Variants in SYT3 observed in about 807,000 individuals in gnomAD.
SYT3 encodes the protein synaptotagmin 3, also known as synaptotagmin-3.
SYT3 carries 25 observed loss-of-function variants against 50.6 expected under a neutral mutation model. The observed-to-expected ratio is 0.49, with a 90% CI of 0.36 to 0.69. SYT3 has a LOEUF of 0.69. SYT3 is among the 30% of genes least tolerant of loss of function. The pLI is 0.00. For synonymous variants in SYT3, 323 were observed against 353.9 expected (o/e 0.91, Z 0.98); for missense variants, 589 against 793.6 (o/e 0.74, Z 3.10).
upstream of SYT3, among the ~76,000 whole-genome samples, chr19:50,644,878 A>ATTGGATAGATAGATGAAGAG (rs1422740956): frequency 6.6e-6 from 1 of 151,806 alleles, no homozygotes; most frequent in Non-Finnish European, 1.5e-5. Context: ...TGATTGGATG[A>ATTGGATAGATAGATGAAGAG]TTGGATAGAT....
chr19:50,634,038 A>C (rs997804940), intron 3 of SYT3, among the ~76,000 whole-genome samples: 1 of 152,262 alleles, frequency 6.6e-6, no homozygotes, highest in African/African-American at 2.4e-5. Context: ...AACACCATCA[A>C]CAAGATAGCT....
rs1294707738 is a variant in SYT3 at position 50,625,773 on chromosome 19, C to A, written c.1402+124G>T. The A allele has an allele frequency of 3.2e-6, 2 of 624,072 alleles. No homozygotes were observed. Among genetic ancestry groups the A allele is most frequent in the African/African-American group, 2.2e-5 (1 of 46,484 alleles). The allele number at this position is 624,072 out of a possible 1,614,324, so 38.7% of individuals were successfully genotyped here. On this transcript the variant is annotated intron_variant, in intron 7 of 10. Coordinates refer to ENST00000600079, the MANE Select transcript of SYT3 (RefSeq NM_001160329.2). The surrounding 1 kb of genome is among the most constrained non-coding windows in gnomAD (Gnocchi z 7.5). ...GGCCCCTGGCCCCTCCTCCCTCAGA[C>A]CCAGGAGTCCAGATCCCCAGCTCCT...
In SYT3 at chr19:50,632,965, T is replaced by G; in HGVS notation, c.149-154A>C. Among the ~76,000 whole-genome samples the G allele has an allele frequency of 6.6e-6, 1 of 152,158 alleles. No homozygotes were observed. Among genetic ancestry groups the G allele is most frequent in the East Asian group, 1.9e-4 (1 of 5,198 alleles). ...TTTACATGTATTACTTAATTTATGT[T>G]CTACAACTCTACAAGGTTAAGTATT... On this transcript the variant is annotated intron_variant, in intron 3 of 10. Transcript: ENST00000600079. This position sits in a 1 kb window ranked among gnomAD's most constrained non-coding sequence, Gnocchi z 4.7.
the SYT3 span, among the ~76,000 whole-genome samples, chr19:50,649,100 A>C: frequency 7.4e-6 from 1 of 135,874 alleles, no homozygotes; most frequent in African/African-American, 2.8e-5. Context: ...AGTGGTGGAG[A>C]CGTGGGGACA....
chr19:50,625,621 A>G lies in SYT3; in HGVS notation c.1403-57T>C. The G allele has an allele frequency of 6.6e-7, 1 of 1,503,814 alleles. No individual in the cohort carries two copies. 93.2% of individuals were successfully genotyped at this position (1,503,814 alleles called of 1,614,324 possible). ...CTCACTCCCTCAGACCTAGGGGTCC[A>G]GGACCCCAGGCCCCGAGCCCCTCCT... On this transcript the variant is annotated intron_variant, in intron 7 of 10. Coordinates refer to ENST00000600079, the MANE Select transcript of SYT3 (RefSeq NM_001160329.2). This position sits in a 1 kb window ranked among gnomAD's most constrained non-coding sequence, Gnocchi z 7.5.
Position 50,622,287 on chromosome 19 carries a change from T to C in SYT3, c.*198A>G, listed in dbSNP as rs1983879623. On this transcript the variant is annotated 3_prime_UTR_variant, in exon 11 of 11. Transcript: ENST00000600079. Reference sequence around the variant, plus strand: ...AAAGACAGACACAGTGGAGGCTGAATGACCCCCACCCTGAAAGAAGGAGCT... The same window carrying C: ...AAAGACAGACACAGTGGAGGCTGAACGACCCCCACCCTGAAAGAAGGAGCT... 5.6e-6 allele frequency: 1 copy of C among 179,452 alleles called. No individual in the cohort carries two copies. The highest frequency in any genetic ancestry group is 1.2e-5 in the Non-Finnish European group (1 of 85,712). 11.1% of individuals were successfully genotyped at this position (179,452 alleles called of 1,614,324 possible). A position where few individuals can be genotyped will look rare whatever the true frequency, so the allele number is the denominator to read the frequency against.
In SYT3 at chr19:50,629,323, G is replaced by A; in HGVS notation, c.1252C>T (p.Leu418Phe). 6.2e-7 allele frequency: 1 copy of A among 1,611,922 alleles called. No individual in the cohort carries two copies. Among genetic ancestry groups the A allele is most frequent in the Non-Finnish European group, 8.5e-7 (1 of 1,178,790 alleles). The part of the protein sequence containing the change: ...ELAEQPPDRP[L>F]WRDIVEGGSE... ...CCGCCCTCCACGATGTCCCTCCAGA[G>A]CGGGCGGTCAGGGGGCTGCTCGGCC... The change falls in exon 6 of 11, where the codon CTC (leucine) becomes TTC (phenylalanine). Residue 418 changes from leucine (L) to phenylalanine (F), a missense_variant. Leu to Phe is a conservative substitution (Grantham distance 22). Around this residue, in one of 2 missense-constraint regions of SYT3, gnomAD observed 273 missense variants for 439.3 expected, o/e 0.62. Coordinates refer to ENST00000600079, the MANE Select transcript of SYT3 (RefSeq NM_001160329.2).
At chr19:50,633,725 C>A (rs931033694) in intron 3 of SYT3, among the ~76,000 whole-genome samples, 1 of 152,152 alleles carries the variant, frequency 6.6e-6, no homozygotes, top group Admixed American at 6.5e-5. Context: ...TGATTACATA[C>A]CAAATAGCTC....
At chr19:50,649,635 C>G in the SYT3 span, 1 of 1,089,022 alleles carries the variant, frequency 9.2e-7, no homozygotes, top group South Asian at 1.4e-5. Flanking sequence ...CCATCCCTAG[C>G]ATTCCTGGAT....
chr19:50,635,489 G>A (rs1213443312), intron 3 of SYT3, among the ~76,000 whole-genome samples: 1 of 152,212 alleles, frequency 6.6e-6, no homozygotes, highest in Non-Finnish European at 1.5e-5. Context: ...TTGCGCAGTA[G>A]AAGATTCACC....
At chr19:50,652,616 AG>A in the SYT3 span, among the ~76,000 whole-genome samples, 5 of 152,162 alleles carry the variant, frequency 3.3e-5, no homozygotes. Context: ...GCAGGTGAAA[AG>A]GACGATTGTG....
At chr19:50,644,559 G>A (rs1463346448), upstream of SYT3, among the ~76,000 whole-genome samples, 1 of 151,820 alleles carries the variant, frequency 6.6e-6, no homozygotes. Context: ...TGAGTGGATA[G>A]TTGGATGGGA....
the SYT3 span, among the ~76,000 whole-genome samples, chr19:50,647,149 T>C: frequency 6.6e-6 from 1 of 152,034 alleles, no homozygotes; most frequent in African/African-American, 2.4e-5. Context: ...ATTATTTATA[T>C]AAAATAATTA....
chr19:50,644,347 G>C (rs1459384680), upstream of SYT3, among the ~76,000 whole-genome samples: 1 of 152,094 alleles, frequency 6.6e-6, no homozygotes, highest in African/African-American at 2.4e-5. Flanking sequence ...GGAATGGATA[G>C]ATGAAAGAGT....
At chr19:50,627,603 C>T (rs977759265) in intron 6 of SYT3, among the ~76,000 whole-genome samples, 7 of 152,130 alleles carry the variant, frequency 4.6e-5, no homozygotes, top group Non-Finnish European at 1.0e-4. Flanking sequence ...TGCCTGTAAT[C>T]CCAGCTACTT....
rs1029035744 is a variant in SYT3, at chr19:50,622,453, C to T, written c.*32G>A. On this transcript the variant is annotated 3_prime_UTR_variant, in exon 11 of 11. Coordinates refer to ENST00000600079, the MANE Select transcript of SYT3 (RefSeq NM_001160329.2). ...AGGAAAGGATGGGGTCCTGAGGGAG[C>T]CTGGTCCGATCCCGGGCCTAGGCCA... The T allele has an allele frequency of 2.6e-4, 109 of 412,698 alleles. No individual in the cohort carries two copies. Among genetic ancestry groups the T allele is most frequent in the African/African-American group, 2.1e-3 (101 of 48,762 alleles). 25.6% of individuals were successfully genotyped at this position (412,698 alleles called of 1,614,324 possible).
chr19:50,628,099 C>T (rs1984142684), intron 6 of SYT3, among the ~76,000 whole-genome samples: 1 of 152,194 alleles, frequency 6.6e-6, no homozygotes, highest in African/African-American at 2.4e-5. Context: ...GAAACTGAGG[C>T]TCAGAAAAGG....
At chr19:50,654,112 TTA>T in the SYT3 span, among the ~76,000 whole-genome samples, 9 of 152,004 alleles carry the variant, frequency 5.9e-5, no homozygotes, top group African/African-American at 2.2e-4. Flanking sequence ...GGGAAATGTT[TTA>T]TGTTCGGCAG....
In SYT3 at chr19:50,625,655, C is replaced by T; in HGVS notation, c.1403-91G>A. The stretch of plus-strand genomic sequence containing the variant: ...GGCCCCGAGCCCCTCCTCCCTCAGA[C>T]CCAGAGGTCCGGGGCCCCAGGCCCC... On this transcript the variant is annotated intron_variant, in intron 7 of 10. Coordinates refer to ENST00000600079, the MANE Select transcript of SYT3 (RefSeq NM_001160329.2). This position sits in a 1 kb window ranked among gnomAD's most constrained non-coding sequence, Gnocchi z 7.5. The T allele has an allele frequency of 6.8e-7, 1 of 1,466,666 alleles. No individual in the cohort carries two copies. The highest frequency in any genetic ancestry group is 9.0e-7 in the Non-Finnish European group (1 of 1,106,732). 90.9% of individuals were successfully genotyped at this position (1,466,666 alleles called of 1,614,324 possible).
Sources: gnomAD v4.1 joint callset for allele counts (sites outside exome capture counted in the v4.1 genomes callset) on GRCh38, gnomAD v4.1.1 for gene constraint, gnomAD v4.1.1 regional missense constraint, Gnocchi (gnomAD v3.1) non-coding constraint, MANE v1.5 for transcripts, NCBI Gene and HGNC (gene_info 2026-07-23, HGNC 2026-07-21) for gene names.